Variants in RPH3A observed in about 807,000 individuals in gnomAD.
RPH3A encodes the protein rabphilin-3A.
RPH3A carries 48 observed loss-of-function variants against 102.2 expected under a neutral mutation model. That is an observed-to-expected ratio of 0.47 (90% confidence interval 0.37 to 0.60). RPH3A has a LOEUF of 0.60. RPH3A is among the 20% of genes least tolerant of loss of function. RPH3A has a pLI of 0.00. For synonymous variants in RPH3A, 310 were observed against 324.3 expected, an observed-to-expected ratio of 0.96 and a Z score of 0.47; for missense variants, 781 against 910.1, an observed-to-expected ratio of 0.86 and a Z score of 1.83.
intron 1 of RPH3A, among the ~76,000 whole-genome samples, chr12:112,737,311 A>G (rs144216288): frequency 7.3e-4 from 111 of 152,298 alleles, no homozygotes; most frequent in African/African-American, 2.4e-3. Flanking sequence ...TCTTGAGTCC[A>G]TGGCTCACTT....
intron 1 of RPH3A, among the ~76,000 whole-genome samples, chr12:112,621,023 T>G (rs574799734): frequency 1.1e-4 from 17 of 151,654 alleles, no homozygotes; most frequent in Admixed American, 9.8e-4. Context: ...TTTTTTTTTT[T>G]GTAGAGATAG....
At chr12:112,887,741 G>C (rs2043026917) in intron 16 of RPH3A, 56 bp from the exon 17 acceptor site, 3 of 1,583,382 alleles carry the variant, frequency 1.9e-6, no homozygotes, top group Non-Finnish European at 2.6e-6. Context: ...TTGGCACACA[G>C]TGGTGTCTTA....
At chr12:112,802,776 T>C (rs7962780) in intron 2 of RPH3A, among the ~76,000 whole-genome samples, 2 of 151,490 alleles carry the variant, frequency 1.3e-5, no homozygotes, top group South Asian at 4.2e-4. Flanking sequence ...CCTCTGTCCA[T>C]TCCCCAGGGC....
At chr12:112,582,224 T>C (rs956057433) in intron 1 of RPH3A, among the ~76,000 whole-genome samples, 7 of 147,478 alleles carry the variant, frequency 4.7e-5, no homozygotes, top group African/African-American at 1.8e-4. Context: ...CTCTGTGTCT[T>C]GCCTGTCTTC....
intron 1 of RPH3A, among the ~76,000 whole-genome samples, chr12:112,667,491 G>T (rs1750550299): frequency 6.6e-6 from 1 of 151,854 alleles, no homozygotes. Context: ...TTCTATATAA[G>T]TCAGGGTCCC....
intron 1 of RPH3A, among the ~76,000 whole-genome samples, chr12:112,646,182 T>C (rs890634830): frequency 2.0e-5 from 3 of 152,178 alleles, no homozygotes; most frequent in African/African-American, 4.8e-5. Flanking sequence ...AATATCTTGA[T>C]TCGACTGGCT....
chr12:112,580,825 A>G (rs1031250816), intron 1 of RPH3A, among the ~76,000 whole-genome samples: 38 of 152,166 alleles, frequency 2.5e-4, no homozygotes, highest in African/African-American at 8.9e-4. Flanking sequence ...TGCAGATTGG[A>G]TGTGACTAAA....
intron 1 of RPH3A, among the ~76,000 whole-genome samples, chr12:112,723,181 A>C (rs2040562643): frequency 6.6e-6 from 1 of 152,188 alleles, no homozygotes; most frequent in Non-Finnish European, 1.5e-5. Flanking sequence ...CCCCCTGTAC[A>C]GTCAAAAATG....
At chr12:112,704,092 C>CTTTT (rs764997927) in intron 1 of RPH3A, among the ~76,000 whole-genome samples, 1 of 146,020 alleles carries the variant, frequency 6.8e-6, no homozygotes, top group Non-Finnish European at 1.5e-5. Flanking sequence ...TCTTCTTCTT[C>CTTTT]TTTTTTTTTT....
intron 1 of RPH3A, among the ~76,000 whole-genome samples, chr12:112,640,612 A>T (rs1251355036): frequency 6.6e-6 from 1 of 152,104 alleles, no homozygotes; most frequent in African/African-American, 2.4e-5. Flanking sequence ...GGAGCAATAG[A>T]TGCTTAGTTC....
At chr12:112,609,292 G>T (rs1016679514) in intron 1 of RPH3A, among the ~76,000 whole-genome samples, 1 of 152,154 alleles carries the variant, frequency 6.6e-6, no homozygotes, top group Non-Finnish European at 1.5e-5. Flanking sequence ...GGTCTCAAAT[G>T]CCTGGCCTCA....
intron 1 of RPH3A, among the ~76,000 whole-genome samples, chr12:112,774,657 T>C (rs1159728737): frequency 6.6e-6 from 1 of 152,126 alleles, no homozygotes; most frequent in Admixed American, 6.5e-5. Context: ...GCCATTATCC[T>C]CAGCAAACTA....
At chr12:112,761,677 G>A (rs528683466) in intron 1 of RPH3A, among the ~76,000 whole-genome samples, 1 of 152,278 alleles carries the variant, frequency 6.6e-6, no homozygotes, top group Non-Finnish European at 1.5e-5. Context: ...TTCTCAGCAG[G>A]GTCAGGTCAC....
chr12:112,784,178 ATAT>A (rs2136079730), intron 1 of RPH3A, among the ~76,000 whole-genome samples: 1 of 152,290 alleles, frequency 6.6e-6, no homozygotes, highest in African/African-American at 2.4e-5. Flanking sequence ...CTTCCAGCAA[ATAT>A]CAGCCCCCTT....
chr12:112,718,206 G>A (rs765257609), intron 1 of RPH3A: 2 of 152,212 alleles, frequency 1.3e-5, no homozygotes, highest in African/African-American at 2.4e-5. Context: ...GCTTGAGAAA[G>A]ATCTGCCTTC....
At chr12:112,810,438 C>CCT (rs1301580974) in intron 2 of RPH3A, among the ~76,000 whole-genome samples, 3 of 152,190 alleles carry the variant, frequency 2.0e-5, no homozygotes, top group African/African-American at 7.2e-5. Context: ...ATTTGCTGCT[C>CCT]GGCCCTGGTT....
intron 1 of RPH3A, among the ~76,000 whole-genome samples, chr12:112,717,344 A>C (rs2136040232): frequency 6.6e-6 from 1 of 152,226 alleles, no homozygotes; most frequent in East Asian, 1.9e-4. Context: ...GCAACCGTTG[A>C]TCTGTTCTTC....
chr12:112,789,473 AC>A (rs1490811512), upstream of RPH3A, among the ~76,000 whole-genome samples: 1 of 152,340 alleles, frequency 6.6e-6, no homozygotes. Context: ...GAATCATACG[AC>A]ACTGAGTTTG....
At chr12:112,815,908 G>A (rs569916267) in intron 2 of RPH3A, among the ~76,000 whole-genome samples, 5 of 152,310 alleles carry the variant, frequency 3.3e-5, no homozygotes, top group South Asian at 2.1e-4. Flanking sequence ...GCAAGTTTCC[G>A]CTTTATCAAG....
Sources: gnomAD v4.1 joint callset for allele counts (sites outside exome capture counted in the v4.1 genomes callset) on GRCh38, gnomAD v4.1.1 for gene constraint, MANE v1.5 for transcripts, NCBI Gene and HGNC (gene_info 2026-07-23, HGNC 2026-07-21) for gene names.